NMT1: variants seen among roughly 807,000 people sequenced by gnomAD.
NMT1 encodes the protein glycylpeptide N-tetradecanoyltransferase 1.
Under a neutral mutation model 63.4 loss-of-function variants are expected in NMT1, and 12 were observed. The observed-to-expected ratio is 0.19, with a 90% confidence interval of 0.12 to 0.31. The LOEUF (loss-of-function observed/expected upper bound fraction) is 0.31. NMT1 is among the 10% of genes least tolerant of loss of function. The pLI is 1.00. For synonymous variants in NMT1, 228 were observed against 234.3 expected, an observed-to-expected ratio of 0.97 and a Z score of 0.25; for missense variants, 432 against 634.6, an observed-to-expected ratio of 0.68 and a Z score of 3.43.
At chr17:45,097,483 G>A (rs565621640) in intron 6 of NMT1, among the ~76,000 whole-genome samples, 2 of 152,158 alleles carry the variant, frequency 1.3e-5, no homozygotes, top group African/African-American at 4.8e-5. Context: ...GAGGCCTGGT[G>A]TGCCTGCTCA....
At chr17:45,095,985 C>T (rs1020252259) in intron 4 of NMT1, among the ~76,000 whole-genome samples, 4 of 152,184 alleles carry the variant, frequency 2.6e-5, no homozygotes, top group African/African-American at 9.6e-5. Flanking sequence ...CGGTCTGCCA[C>T]TCTACCACGT....
intron 1 of NMT1, among the ~76,000 whole-genome samples, chr17:45,078,175 C>T (rs2053989443): frequency 6.6e-6 from 1 of 152,072 alleles, no homozygotes; most frequent in African/African-American, 2.4e-5. Flanking sequence ...GGGTGATAGG[C>T]CTAGGGAAAA....
At position 45,098,367 on chromosome 17, in the gene NMT1, T is replaced by C. The variant is rs750530185; in HGVS notation, c.714-15T>C. ...CTGTTAAAAACCTTGTCACCTGGAT[T>C]TTTCCCCCTCTTAGAGAGAAGAAGA... On this transcript the variant is annotated splice_polypyrimidine_tract_variant and intron_variant, in intron 6 of 11. Transcript: ENST00000258960. 2 of 1,610,004 alleles carry C rather than the reference T, an allele frequency of 1.2e-6. No individual in the cohort carries two copies. The highest frequency in any genetic ancestry group is 2.2e-5 in the South Asian group (2 of 90,988).
rs895896811 is a variant in NMT1, at chr17:45,103,537, C to G, written c.1165-172C>G. On this transcript the variant is annotated intron_variant, in intron 9 of 11. Coordinates refer to ENST00000258960, the MANE Select transcript of NMT1 (RefSeq NM_021079.5). This position sits in a 1 kb window ranked among gnomAD's most constrained non-coding sequence, Gnocchi z 4.8. The stretch of plus-strand genomic sequence containing the variant: ...CAGCCCACGATCACGGCTCTGTCCT[C>G]AAGTGCCCTGAGCCAATGTCCCTCC... Among the ~76,000 whole-genome samples the G allele has an allele frequency of 2.0e-5, 3 of 152,172 alleles. No individual in the cohort carries two copies. The highest frequency in any genetic ancestry group is 7.2e-5 in the African/African-American group (3 of 41,434).
chr17:45,091,187 G>GACATACACACACAC (rs2054084871), intron 3 of NMT1, among the ~76,000 whole-genome samples: 1 of 120,984 alleles, frequency 8.3e-6, no homozygotes, highest in Non-Finnish European at 1.7e-5. Context: ...GGTCTTTCCT[G>GACATACACACACAC]ACACACACAC....
At chr17:45,087,840 G>A (rs2054064437) in intron 3 of NMT1, among the ~76,000 whole-genome samples, 1 of 152,266 alleles carries the variant, frequency 6.6e-6, no homozygotes, top group Non-Finnish European at 1.5e-5. Flanking sequence ...GGTGAGGAAG[G>A]CAGCTGTGCC....
chr17:45,083,562 A>G (rs2054030834), intron 2 of NMT1: 1 of 152,158 alleles, frequency 6.6e-6, no homozygotes, highest in Non-Finnish European at 1.5e-5. Context: ...GTTGCACTTC[A>G]TTTAAATTAG....
At chr17:45,073,074 G>A (rs1353748468) in intron 1 of NMT1, among the ~76,000 whole-genome samples, 3 of 151,994 alleles carry the variant, frequency 2.0e-5, no homozygotes, top group Non-Finnish European at 4.4e-5. Context: ...TATAATTGTT[G>A]AACTGTTAAC....
At position 45,092,488 on chromosome 17, in the gene NMT1, AG is replaced by A. The variant is rs201478076; in HGVS notation, c.386-1193del. Among the ~76,000 whole-genome samples the A allele has an allele frequency of 4.6e-5, 7 of 151,548 alleles. No homozygotes were observed. The East Asian group carries it at 1.4e-3, about 30-fold the overall frequency. ...CGAGGCGGGTGGATCACTTGAGGCC[AG>A]GGGTTTGAAACCAGCCTGGCCAACA... is the stretch of plus-strand genomic sequence containing the variant. On this transcript the variant is annotated intron_variant, in intron 3 of 11. Coordinates refer to ENST00000258960, the MANE Select transcript of NMT1 (RefSeq NM_021079.5).
intron 2 of NMT1, chr17:45,083,561 C>A (rs1167484937): frequency 6.6e-6 from 1 of 152,178 alleles, no homozygotes; most frequent in Non-Finnish European, 1.5e-5. Context: ...TGTTGCACTT[C>A]ATTTAAATTA....
intron 2 of NMT1, among the ~76,000 whole-genome samples, chr17:45,083,055 G>A (rs1056810009): frequency 3.3e-5 from 5 of 150,850 alleles, no homozygotes; most frequent in Non-Finnish European, 7.4e-5. Context: ...GGTGGCTCAC[G>A]CTTGTAATCT....
rs2054056843 is a variant in NMT1, at chr17:45,086,628, G to T, written c.361G>T (p.Asp121Tyr). 1 of 1,612,700 alleles carries T rather than the reference G, an allele frequency of 6.2e-7. No individual in the cohort carries two copies. The highest frequency in any genetic ancestry group is 2.2e-5 in the East Asian group (1 of 44,780). Residue 121 changes from aspartate (D) to tyrosine (Y), a missense_variant, in exon 3 of 12, where the codon GAT (aspartate) becomes TAT (tyrosine). Coordinates refer to ENST00000258960, the MANE Select transcript of NMT1 (RefSeq NM_021079.5). ...EASKRSYQFW[D>Y]TQPVPKLGEV... is the part of the protein sequence containing the mutation. ...TAGCAAGCGAAGCTACCAGTTCTGGGATACGCAGCCCGTCCCCAAGCTGGG... is the reference window on the plus strand; with the variant it reads ...TAGCAAGCGAAGCTACCAGTTCTGGTATACGCAGCCCGTCCCCAAGCTGGG...
In NMT1 at chr17:45,099,262, G is replaced by A. The variant is rs1213980588; in HGVS notation, c.885-143G>A. On this transcript the variant is annotated intron_variant, in intron 7 of 11. Transcript: ENST00000258960. ...CACTCACTGTGGGGAGGGGGAGGCTGGAGAGCAGGGTGACACCACTGACTC... is the reference window on the plus strand; with the variant it reads ...CACTCACTGTGGGGAGGGGGAGGCTAGAGAGCAGGGTGACACCACTGACTC... 6.2e-6 allele frequency: 4 copies of A among 642,308 alleles called. No homozygotes were observed. In the Admixed American group the frequency reaches 9.4e-5, roughly 15 times the overall value. The allele number at this position is 642,308 out of a possible 1,614,324, so 39.8% of individuals were successfully genotyped here.
Position 45,070,255 on chromosome 17 carries a change from T to TTGTG in NMT1, c.131+8808_131+8811dup, listed in dbSNP as rs56797954. ...CACAGACCTCCCAGGGTACCTTTTT[T>TTGTG]TGTGTGTGTGTGTGTGAGATGGAGT... On this transcript the variant is annotated intron_variant, in intron 1 of 11. Coordinates refer to ENST00000258960, the MANE Select transcript of NMT1 (RefSeq NM_021079.5). Among the ~76,000 whole-genome samples the TTGTG allele has an allele frequency of 1.2e-4, 18 of 150,854 alleles. No individual in the cohort carries two copies. In the South Asian group the frequency reaches 1.5e-3, roughly 12 times the overall value.
At chr17:45,085,101 A>G in intron 2 of NMT1, among the ~76,000 whole-genome samples, 1 of 151,858 alleles carries the variant, frequency 6.6e-6, no homozygotes, top group East Asian at 1.9e-4. Flanking sequence ...ACAAACAAAA[A>G]AATTACCTGG....
At chr17:45,087,444 C>T (rs1394897022) in intron 3 of NMT1, among the ~76,000 whole-genome samples, 1 of 152,048 alleles carries the variant, frequency 6.6e-6, no homozygotes, top group Admixed American at 6.6e-5. Flanking sequence ...TCATTAGCAC[C>T]CCTTAAAAAA....
intron 2 of NMT1, among the ~76,000 whole-genome samples, chr17:45,085,643 A>G (rs2067331942): frequency 6.6e-6 from 1 of 152,108 alleles, no homozygotes; most frequent in Admixed American, 6.6e-5. Context: ...TGAAATTTAC[A>G]TTGAGCATGT....
chr17:45,097,125 C>T lies in NMT1; in HGVS notation c.597-3C>T, dbSNP rs1215975776. 3.1e-6 allele frequency: 5 copies of T among 1,613,458 alleles called. No individual in the cohort carries two copies. The highest frequency in any genetic ancestry group is 1.3e-5 in the African/African-American group (1 of 74,930). On this transcript the variant is annotated splice_region_variant and splice_polypyrimidine_tract_variant and intron_variant, in intron 5 of 11. Transcript: ENST00000258960. ...CACAACCACCCCAGCCTCTCTTTTC[C>T]AGGGCTCTCCGGCCACCCGGCTGGC... is the stretch of plus-strand genomic sequence containing the variant.
At chr17:45,075,582 C>T (rs752785609) in intron 1 of NMT1, among the ~76,000 whole-genome samples, 38 of 151,938 alleles carry the variant, frequency 2.5e-4, no homozygotes, top group Non-Finnish European at 1.2e-4. Context: ...GAGTTCAAGA[C>T]CAGCCTGGCC....
Sources: gnomAD v4.1 joint callset for allele counts (sites outside exome capture counted in the v4.1 genomes callset) on GRCh38, gnomAD v4.1.1 for gene constraint, Gnocchi (gnomAD v3.1) non-coding constraint, MANE v1.5 for transcripts, NCBI Gene and HGNC (gene_info 2026-07-23, HGNC 2026-07-21) for gene names.